ELAVL2: variants seen among roughly 807,000 people sequenced by gnomAD.
The protein encoded by ELAVL2 is ELAV-like protein 2.
In ELAVL2, 4 loss-of-function variants were observed where a neutral mutation model predicts 34.6. That is an observed-to-expected ratio of 0.12 (90% CI 0.06 to 0.26). ELAVL2 has a LOEUF of 0.26. Among genes scored for constraint, ELAVL2 ranks in the 10% least tolerant of loss-of-function variants. ELAVL2 has a pLI of 1.00. For synonymous variants in ELAVL2, 193 were observed against 154.8 expected (o/e 1.25, Z -1.83); for missense variants, 432 against 442.8 (o/e 0.98, Z 0.22).
chr9:23,801,813 C>A (rs1406698878), intron 1 of ELAVL2, among the ~76,000 whole-genome samples: 1 of 152,174 alleles, frequency 6.6e-6, no homozygotes, highest in Non-Finnish European at 1.5e-5. Flanking sequence ...CCCTTCACTA[C>A]CAACACCCCA....
intron 1 of ELAVL2, among the ~76,000 whole-genome samples, chr9:23,794,412 C>G (rs2060671928): frequency 1.3e-5 from 2 of 152,180 alleles, no homozygotes; most frequent in South Asian, 2.1e-4. Context: ...GTACAGCAGG[C>G]CTCTTGCAGG....
At chr9:23,767,233 T>C (rs763850305) in intron 1 of ELAVL2, among the ~76,000 whole-genome samples, 1 of 152,222 alleles carries the variant, frequency 6.6e-6, no homozygotes, top group African/African-American at 2.4e-5. Flanking sequence ...ATTTAAATAA[T>C]CCTTTATGAA....
intron 1 of ELAVL2, among the ~76,000 whole-genome samples, chr9:23,791,428 T>C (rs910245100): frequency 1.3e-5 from 2 of 152,200 alleles, no homozygotes; most frequent in Non-Finnish European, 2.9e-5. Flanking sequence ...AATTAACATG[T>C]TGAAACCATA....
At chr9:23,754,515 G>C (rs1452068737) in intron 2 of ELAVL2, among the ~76,000 whole-genome samples, 1 of 151,952 alleles carries the variant, frequency 6.6e-6, no homozygotes, top group African/African-American at 2.4e-5. Flanking sequence ...TGCAAGTGCG[G>C]TGGCACGATC....
intron 5 of ELAVL2, among the ~76,000 whole-genome samples, chr9:23,694,546 G>T (rs1204405706): frequency 6.6e-6 from 1 of 152,194 alleles, no homozygotes; most frequent in African/African-American, 2.4e-5. Flanking sequence ...CTGGGACTGG[G>T]GGTGGGGGTG....
chr9:23,840,533 G>A, the ELAVL2 span, among the ~76,000 whole-genome samples: 9 of 152,164 alleles, frequency 5.9e-5, no homozygotes, highest in South Asian at 2.1e-4. Context: ...TATCTCTGCT[G>A]AGCAGATTAA....
chr9:23,819,897 G>C (rs189993335), intron 1 of ELAVL2, among the ~76,000 whole-genome samples: 1 of 151,976 alleles, frequency 6.6e-6, no homozygotes, highest in Non-Finnish European at 1.5e-5. Flanking sequence ...CGAACTTCCC[G>C]TAAGTATATC....
At chr9:23,715,298 G>C (rs1255223586) in intron 3 of ELAVL2, among the ~76,000 whole-genome samples, 1 of 152,116 alleles carries the variant, frequency 6.6e-6, no homozygotes, top group Non-Finnish European at 1.5e-5. Flanking sequence ...ACAGGCGCCC[G>C]CCACCACGCC....
intron 4 of ELAVL2, among the ~76,000 whole-genome samples, chr9:23,703,107 T>C (rs1169564344): frequency 6.6e-6 from 1 of 152,124 alleles, no homozygotes; most frequent in Non-Finnish European, 1.5e-5. Flanking sequence ...ATAATTTGCA[T>C]TTTTAGCAGG....
At chr9:23,793,264 CT>C in intron 1 of ELAVL2, among the ~76,000 whole-genome samples, 1 of 152,308 alleles carries the variant, frequency 6.6e-6, no homozygotes, top group East Asian at 1.9e-4. Context: ...TTCAAATAGG[CT>C]TTTACCTCCA....
intron 1 of ELAVL2, among the ~76,000 whole-genome samples, chr9:23,794,852 CTTGTT>C (rs971287134): frequency 6.6e-6 from 1 of 152,094 alleles, no homozygotes; most frequent in Non-Finnish European, 1.5e-5. Flanking sequence ...TCCATCTTCT[CTTGTT>C]TTAATAATAA....
chr9:23,699,515 A>G (rs1009438176), intron 5 of ELAVL2, among the ~76,000 whole-genome samples: 1 of 152,238 alleles, frequency 6.6e-6, no homozygotes, highest in Non-Finnish European at 1.5e-5. Context: ...ACTTTGTTCT[A>G]TCTAAACTCG....
chr9:23,786,277 C>A (rs1227734343), intron 1 of ELAVL2, among the ~76,000 whole-genome samples: 2 of 152,108 alleles, frequency 1.3e-5, no homozygotes, highest in African/African-American at 2.4e-5. Context: ...CTAATTTCAT[C>A]AAAATGATGT....
chr9:23,783,339 C>A (rs550934643), intron 1 of ELAVL2: 30 of 453,802 alleles, frequency 6.6e-5, no homozygotes, highest in African/African-American at 6.0e-4. Context: ...TCACTCAGCT[C>A]ACAGTCTGAA....
At position 23,778,185 on chromosome 9, in the gene ELAVL2, A is replaced by C. The variant is rs535685012; in HGVS notation, c.-15-15936T>G. ...ACAAAAAATAAAAAGCCAACAATGG[A>C]CTCTGCTTAAATAAATCACGTGCGA... On this transcript the variant is annotated intron_variant, in intron 1 of 6. Coordinates refer to ENST00000397312, the MANE Select transcript of ELAVL2 (RefSeq NM_004432.5). Among the ~76,000 whole-genome samples the C allele has an allele frequency of 2.0e-5, 3 of 152,286 alleles. No individual in the cohort carries two copies. The South Asian group carries it at 6.2e-4, about 32-fold the overall frequency.
At chr9:23,719,188 G>A (rs751748419) in intron 3 of ELAVL2, among the ~76,000 whole-genome samples, 3 of 152,144 alleles carry the variant, frequency 2.0e-5, no homozygotes, top group Non-Finnish European at 4.4e-5. Flanking sequence ...CCCGTCCTGA[G>A]ATATTTAATT....
intron 3 of ELAVL2, among the ~76,000 whole-genome samples, chr9:23,724,889 G>A (rs2044678422): frequency 6.6e-6 from 1 of 151,570 alleles, no homozygotes; most frequent in African/African-American, 2.4e-5. Context: ...TTTTTTGTCT[G>A]GATAAATAAC....
At chr9:23,763,153 G>GT (rs2055432585) in intron 1 of ELAVL2, among the ~76,000 whole-genome samples, 1 of 152,042 alleles carries the variant, frequency 6.6e-6, no homozygotes, top group Admixed American at 6.6e-5. Flanking sequence ...AGGAATTCTC[G>GT]TCTGAGCACA....
chr9:23,831,021 A>T (rs1564623729), upstream of ELAVL2, among the ~76,000 whole-genome samples: 1 of 152,204 alleles, frequency 6.6e-6, no homozygotes, highest in Non-Finnish European at 1.5e-5. Context: ...CATCTCATGC[A>T]AAATTAATAC....
Sources: allele counts gnomAD v4.1 joint callset (sites outside exome capture counted in the v4.1 genomes callset), GRCh38; gene constraint gnomAD v4.1.1; transcripts MANE v1.5; gene names NCBI Gene and HGNC (gene_info 2026-07-23, HGNC 2026-07-21).